The following RALYL variants were observed in gnomAD, a reference collection of about 807,000 sequenced individuals.
The protein encoded by RALYL is RNA-binding Raly-like protein.
A neutral mutation model predicts 35.1 loss-of-function variants in RALYL; 29 were observed. The observed-to-expected ratio is 0.83, with a 90% confidence interval of 0.61 to 1.13. The LOEUF (loss-of-function observed/expected upper bound fraction) is 1.13, where lower values mean the gene tolerates loss of function less well. RALYL is among the 50% of genes most tolerant of loss of function. RALYL has a pLI of 0.00. For synonymous variants in RALYL, 120 were observed against 127.6 expected, an observed-to-expected ratio of 0.94 and a Z score of 0.40; for missense variants, 359 against 360.4, an observed-to-expected ratio of 1.00 and a Z score of 0.03.
chr8:84,285,187 A>C (rs2132134844), intron 1 of RALYL, among the ~76,000 whole-genome samples: 1 of 152,334 alleles, frequency 6.6e-6, no homozygotes, highest in Non-Finnish European at 1.5e-5. Context: ...CATCACTCTT[A>C]TAAGCTAGTA....
intron 1 of RALYL, among the ~76,000 whole-genome samples, chr8:84,253,061 A>T (rs925385741): frequency 6.6e-6 from 1 of 151,800 alleles, no homozygotes; most frequent in Non-Finnish European, 1.5e-5. Flanking sequence ...GTTGACTAAA[A>T]CTACTTCTTT....
intron 7 of RALYL, among the ~76,000 whole-genome samples, chr8:84,884,938 T>C (rs1842729475): frequency 6.6e-6 from 1 of 152,030 alleles, no homozygotes. Flanking sequence ...AAACTTCTTT[T>C]AGGAGGAAGA....
intron 2 of RALYL, among the ~76,000 whole-genome samples, chr8:84,703,890 A>C (rs959180910): frequency 6.6e-6 from 1 of 152,212 alleles, no homozygotes; most frequent in Admixed American, 6.5e-5. Flanking sequence ...TGAATTTAAA[A>C]TACATCATTA....
At chr8:84,345,049 G>T (rs371321739) in intron 1 of RALYL, among the ~76,000 whole-genome samples, 1 of 151,412 alleles carries the variant, frequency 6.6e-6, no homozygotes, top group African/African-American at 2.4e-5. Flanking sequence ...ACACCAAAGT[G>T]GGATTGCTGG....
intron 2 of RALYL, chr8:84,679,668 GAAAAATGTGAGAACTAA>G (rs1326502368): frequency 8.0e-6 from 4 of 500,070 alleles, no homozygotes; most frequent in Admixed American, 4.3e-5. Flanking sequence ...GAAGTACAGA[GAAAAATGTGAGAACTAA>G]TTCATCAGTT....
chr8:84,303,543 C>G (rs62526795), intron 1 of RALYL, among the ~76,000 whole-genome samples: 6 of 152,030 alleles, frequency 3.9e-5, no homozygotes, highest in Admixed American at 1.3e-4. Flanking sequence ...AATTAGTTTT[C>G]TAAGATAGCT....
chr8:84,528,068 G>T (rs113801840), intron 1 of RALYL, among the ~76,000 whole-genome samples: 1 of 151,954 alleles, frequency 6.6e-6, no homozygotes, highest in African/African-American at 2.4e-5. Context: ...GACTTCCACC[G>T]CCTTAATGCT....
chr8:84,871,728 T>A (rs1840223752), intron 6 of RALYL, among the ~76,000 whole-genome samples: 2 of 152,188 alleles, frequency 1.3e-5, no homozygotes, highest in Non-Finnish European at 2.9e-5. Context: ...GCAGTTTTTA[T>A]TTTGCAAACT....
At chr8:84,740,268 T>C (rs1025759880) in intron 2 of RALYL, among the ~76,000 whole-genome samples, 40 of 151,968 alleles carry the variant, frequency 2.6e-4, no homozygotes, top group Non-Finnish European at 1.8e-4. Context: ...TTTCAAAACT[T>C]GGAGCAAGTC....
At chr8:84,318,536 G>A (rs1017134401) in intron 1 of RALYL, among the ~76,000 whole-genome samples, 2 of 152,138 alleles carry the variant, frequency 1.3e-5, no homozygotes, top group Middle Eastern at 3.4e-3. Context: ...GCAAATTATC[G>A]TGTGATGTTT....
intron 1 of RALYL, among the ~76,000 whole-genome samples, chr8:84,479,312 C>T (rs2053813908): frequency 6.6e-6 from 1 of 151,848 alleles, no homozygotes; most frequent in Admixed American, 6.6e-5. Flanking sequence ...ATGCAAAAAT[C>T]AATATTTTTC....
intron 1 of RALYL, among the ~76,000 whole-genome samples, chr8:84,346,345 G>T (rs1849834126): frequency 6.6e-6 from 1 of 151,994 alleles, no homozygotes; most frequent in South Asian, 2.1e-4. Context: ...TTGGTTTTTT[G>T]GTATAAATGG....
intron 1 of RALYL, among the ~76,000 whole-genome samples, chr8:84,209,125 C>CAAA (rs60246316): frequency 0.17 from 16,253 of 96,830 alleles, 834 homozygotes; most frequent in Non-Finnish European, 0.19. Context: ...ACTCCTCCAC[C>CAAA]AAAAAAAAAA....
intron 1 of RALYL, among the ~76,000 whole-genome samples, chr8:84,398,645 A>C (rs554960216): frequency 3.4e-4 from 52 of 152,248 alleles, no homozygotes; most frequent in African/African-American, 1.2e-3. Flanking sequence ...CTTATTTTGG[A>C]ACTTAAGAAT....
intron 1 of RALYL, among the ~76,000 whole-genome samples, chr8:84,239,018 A>G (rs964263541): frequency 6.6e-6 from 1 of 152,146 alleles, no homozygotes; most frequent in Non-Finnish European, 1.5e-5. Context: ...ATCTTATACC[A>G]TGTTAGGCAC....
chr8:84,898,812 G>A (rs890144517), intron 8 of RALYL, among the ~76,000 whole-genome samples: 3 of 152,028 alleles, frequency 2.0e-5, no homozygotes, highest in East Asian at 3.9e-4. Context: ...TTCACTACTC[G>A]GTTTTATCTG....
chr8:84,538,264 T>C (rs937576249), intron 2 of RALYL, among the ~76,000 whole-genome samples: 8 of 152,154 alleles, frequency 5.3e-5, no homozygotes, highest in Non-Finnish European at 1.0e-4. Context: ...CTGTAAATAA[T>C]TTTTTTCATT....
intron 5 of RALYL, among the ~76,000 whole-genome samples, chr8:84,857,783 T>C (rs566459829): frequency 3.3e-5 from 5 of 152,314 alleles, no homozygotes; most frequent in African/African-American, 1.2e-4. Context: ...ATATGGATGC[T>C]TATAAAAACA....
At chr8:84,743,579 T>C (rs558659605) in intron 2 of RALYL, among the ~76,000 whole-genome samples, 2 of 152,158 alleles carry the variant, frequency 1.3e-5, no homozygotes, top group East Asian at 3.9e-4. Context: ...AGCTACTTAG[T>C]CTGCAGAAGA....
Sources: allele counts gnomAD v4.1 joint callset (sites outside exome capture counted in the v4.1 genomes callset), GRCh38; gene constraint gnomAD v4.1.1; transcripts MANE v1.5; gene names NCBI Gene and HGNC (gene_info 2026-07-23, HGNC 2026-07-21).